The following TRAF3IP1 variants were observed in gnomAD, a reference collection of about 807,000 sequenced individuals.
TRAF3IP1 encodes the protein intraflagellar transport 54.
TRAF3IP1 carries 53 observed loss-of-function variants against 89.9 expected under a neutral mutation model. The ratio of observed to expected loss-of-function variants is 0.59; its 90% confidence interval spans 0.47 to 0.74. The LOEUF is 0.74. Among genes scored for constraint, TRAF3IP1 ranks in the 30% least tolerant of loss-of-function variants. TRAF3IP1 has a pLI of 0.00. For synonymous variants in TRAF3IP1, 311 were observed against 322.1 expected (o/e 0.97, Z 0.37); for missense variants, 806 against 866.1 (o/e 0.93, Z 0.87).
chr2:238,344,666 A>G (rs762111985), intron 9 of TRAF3IP1, 68 bp downstream of exon 9: 9 of 1,382,760 alleles, frequency 6.5e-6, no homozygotes, highest in Non-Finnish European at 8.2e-6. Context: ...CTTCTTCTCA[A>G]AGGGCCGCAG....
chr2:238,337,041 G>C (rs11679198), intron 7 of TRAF3IP1, among the ~76,000 whole-genome samples: 1 of 152,002 alleles, frequency 6.6e-6, no homozygotes, highest in Admixed American at 6.6e-5. Context: ...GGGTGGAGAG[G>C]GGGCAGAGGG....
At position 238,344,613 on chromosome 2, in the gene TRAF3IP1, G is replaced by C; in HGVS notation, c.1261+15G>C. 1 of 1,610,754 alleles carries C rather than the reference G, an allele frequency of 6.2e-7. No individual in the cohort carries two copies. Among genetic ancestry groups the C allele is most frequent in the Non-Finnish European group, 8.5e-7 (1 of 1,176,888 alleles). ...GAAGCAGAAAGGTAAGAATGGTCCA[G>C]TTTCGCCCTTTCCTGGCGAGAGCAG... On this transcript the variant is annotated intron_variant, in intron 9 of 16. Coordinates refer to ENST00000373327, the MANE Select transcript of TRAF3IP1 (RefSeq NM_015650.4).
rs1450952860 is a variant in TRAF3IP1, at chr2:238,340,829, G to A, written c.1159+2372G>A. Among the ~76,000 whole-genome samples the A allele has an allele frequency of 6.5e-4, 61 of 93,352 alleles. No individual in the cohort carries two copies. The East Asian group carries it at 0.013, about 19-fold the overall frequency. 61.2% of individuals were successfully genotyped at this position (93,352 alleles called of 152,430 possible). A position where few individuals can be genotyped will look rare whatever the true frequency, so the allele number is the denominator to read the frequency against. On this transcript the variant is annotated intron_variant, in intron 8 of 16. Transcript: ENST00000373327. ...CAGTTATGCGTGTGTGTGTGTGTGT[G>A]TGTGTATATATATATATAGAGAGAG... is the stretch of plus-strand genomic sequence containing the variant.
intron 15 of TRAF3IP1, among the ~76,000 whole-genome samples, chr2:238,374,299 C>T (rs563887304): frequency 2.6e-5 from 4 of 152,214 alleles, no homozygotes; most frequent in South Asian, 4.1e-4. Flanking sequence ...TTTTGAGATA[C>T]GTTCCATCAA....
intron 15 of TRAF3IP1, among the ~76,000 whole-genome samples, chr2:238,365,233 A>G (rs1192128598): frequency 6.6e-6 from 1 of 152,194 alleles, no homozygotes; most frequent in East Asian, 1.9e-4. Flanking sequence ...TTTCAGAAAA[A>G]TGCTATTCAG....
intron 15 of TRAF3IP1, among the ~76,000 whole-genome samples, chr2:238,388,203 C>T (rs753752692): frequency 6.6e-6 from 1 of 151,886 alleles, no homozygotes; most frequent in Non-Finnish European, 1.5e-5. Context: ...GGTGAAACCA[C>T]GTCTCTACAA....
intron 15 of TRAF3IP1, among the ~76,000 whole-genome samples, chr2:238,390,242 T>C (rs1337104766): frequency 6.6e-6 from 1 of 152,154 alleles, no homozygotes; most frequent in Admixed American, 6.5e-5. Flanking sequence ...ATGGTGAGGG[T>C]GCCACAAAAA....
At chr2:238,371,515 G>A (rs953279466) in intron 15 of TRAF3IP1, among the ~76,000 whole-genome samples, 1 of 152,102 alleles carries the variant, frequency 6.6e-6, no homozygotes, top group African/African-American at 2.4e-5. Flanking sequence ...TAAAAACAGT[G>A]GAAGACACAT....
chr2:238,333,972 A>G lies in TRAF3IP1; in HGVS notation c.1000A>G (p.Thr334Ala), dbSNP rs1222939838. The change falls in exon 7 of 17, where the codon ACT becomes GCT. Residue 334 changes from threonine (T) to alanine (A), a missense_variant. Physicochemically the swap from Thr to Ala is moderately conservative, Grantham distance 58. Around this residue, in one of 3 missense-constraint regions of TRAF3IP1, gnomAD observed 732 missense variants for 780.5 expected, o/e 0.94. Transcript: ENST00000373327. Reference protein sequence around the residue: ...SKAETETEISTRASKSLTTKT... With the variant: ...SKAETETEISARASKSLTTKT... ...TTTTTTCTTTAAGACTGAGATTTCC[A>G]CTAGAGCTTCCAAGTCATTGACAAC... The G allele has an allele frequency of 1.2e-6, 2 of 1,609,188 alleles. No homozygotes were observed. The highest frequency in any genetic ancestry group is 2.2e-5 in the East Asian group (1 of 44,866).
At chr2:238,386,608 C>A (rs781499042) in intron 15 of TRAF3IP1, among the ~76,000 whole-genome samples, 1 of 152,146 alleles carries the variant, frequency 6.6e-6, no homozygotes, top group East Asian at 1.9e-4. Context: ...CCACTGAGCC[C>A]GGCCAAAATT....
intron 8 of TRAF3IP1, among the ~76,000 whole-genome samples, chr2:238,342,291 C>T (rs1698698695): frequency 6.6e-6 from 1 of 152,146 alleles, no homozygotes; most frequent in African/African-American, 2.4e-5. Context: ...TCCTGGCCGT[C>T]ATTTTCATTT....
intron 5 of TRAF3IP1, among the ~76,000 whole-genome samples, chr2:238,331,781 C>G (rs1269510176): frequency 6.6e-6 from 1 of 152,166 alleles, no homozygotes; most frequent in Non-Finnish European, 1.5e-5. Flanking sequence ...TGTGAGGCGC[C>G]TCCCGAGGAA....
At chr2:238,341,760 T>C (rs1006433371) in intron 8 of TRAF3IP1, among the ~76,000 whole-genome samples, 1 of 152,126 alleles carries the variant, frequency 6.6e-6, no homozygotes, top group Non-Finnish European at 1.5e-5. Flanking sequence ...AGGATGGCTC[T>C]GTGAGGCGGG....
intron 9 of TRAF3IP1, 163 bp from the exon 10 acceptor site, chr2:238,347,292 G>A (rs556039926): frequency 1.5e-6 from 1 of 677,800 alleles, no homozygotes; most frequent in Non-Finnish European, 2.6e-6. Context: ...AAACAAAATG[G>A]CAATAGGGAC....
At chr2:238,358,945 TA>T (rs1159937091) in intron 15 of TRAF3IP1, among the ~76,000 whole-genome samples, 1 of 152,224 alleles carries the variant, frequency 6.6e-6, no homozygotes, top group Non-Finnish European at 1.5e-5. Context: ...AAGGGCCAGA[TA>T]AAAATACTTC....
At chr2:238,357,554 C>G (rs1009841802) in intron 15 of TRAF3IP1, among the ~76,000 whole-genome samples, 3 of 152,166 alleles carry the variant, frequency 2.0e-5, no homozygotes, top group Non-Finnish European at 4.4e-5. Flanking sequence ...GTAGAGGGAG[C>G]CCTTTTAACA....
chr2:238,332,492 C>G (rs554388632), intron 5 of TRAF3IP1, among the ~76,000 whole-genome samples: 1 of 152,186 alleles, frequency 6.6e-6, no homozygotes, highest in African/African-American at 2.4e-5. Context: ...CTTCCAGATC[C>G]CTGGGTTTCA....
intron 15 of TRAF3IP1, among the ~76,000 whole-genome samples, chr2:238,385,964 A>G (rs1048262723): frequency 1.3e-5 from 2 of 152,380 alleles, no homozygotes; most frequent in South Asian, 2.1e-4. Flanking sequence ...TCGAAGTCAA[A>G]TAAAATATAG....
intron 8 of TRAF3IP1, among the ~76,000 whole-genome samples, chr2:238,339,112 A>G (rs1698516081): frequency 6.6e-6 from 1 of 152,158 alleles, no homozygotes; most frequent in Non-Finnish European, 1.5e-5. Flanking sequence ...TATCTGTCTG[A>G]CTTTTACACG....
Sources: allele counts gnomAD v4.1 joint callset (sites outside exome capture counted in the v4.1 genomes callset), GRCh38; gene constraint gnomAD v4.1.1; regional missense constraint gnomAD v4.1.1; transcripts MANE v1.5; gene names NCBI Gene and HGNC (gene_info 2026-07-23, HGNC 2026-07-21).